The following GMPR variants were observed in gnomAD, a reference collection of about 807,000 sequenced individuals.
GMPR encodes the protein GMP reductase 1.
Under a neutral mutation model 38.4 loss-of-function variants are expected in GMPR, and 31 were observed. That is an observed-to-expected ratio of 0.81 (90% CI 0.61 to 1.09). GMPR has a LOEUF of 1.09. Among genes scored for constraint, GMPR ranks in the 50% least tolerant of loss-of-function variants. The probability of loss-of-function intolerance (pLI) is 0.00; values close to 1 mark genes in which losing one functional copy is unlikely to be tolerated. For missense variants in GMPR, 468 were observed against 453.7 expected (o/e 1.03, Z -0.29); for synonymous variants, 162 against 173.3 (o/e 0.93, Z 0.51).
chr6:16,270,512 T>C (rs972332564), intron 4 of GMPR, among the ~76,000 whole-genome samples: 1 of 152,216 alleles, frequency 6.6e-6, no homozygotes, highest in Non-Finnish European at 1.5e-5. Context: ...TCCTGGCCCC[T>C]GTTATCACAC....
rs761543002 is a variant in GMPR, at chr6:16,285,844, G to C, written c.697+9G>C. ...TGTCGCCAAAGCCTTTGGTAAGGCC[G>C]GGCCCTGGTGCAGAGGGAGGGAAGG... On this transcript the variant is annotated intron_variant, in intron 7 of 8. Transcript: ENST00000259727. The C allele has an allele frequency of 6.2e-7, 1 of 1,605,642 alleles. No individual in the cohort carries two copies. Among genetic ancestry groups the C allele is most frequent in the Non-Finnish European group, 8.5e-7 (1 of 1,175,280 alleles).
At chr6:16,266,053 C>T (rs1043103582) in intron 4 of GMPR, among the ~76,000 whole-genome samples, 2 of 151,894 alleles carry the variant, frequency 1.3e-5, no homozygotes, top group Admixed American at 6.6e-5. Flanking sequence ...ACCACGAACC[C>T]AGTGGGAGGA....
At chr6:16,260,481 CG>C (rs1191617522) in intron 4 of GMPR, among the ~76,000 whole-genome samples, 2 of 151,904 alleles carry the variant, frequency 1.3e-5, no homozygotes, top group African/African-American at 2.4e-5. Flanking sequence ...TTATCTGACT[CG>C]GGGCATGTCG....
At chr6:16,251,557 C>T (rs771512433) in intron 3 of GMPR, among the ~76,000 whole-genome samples, 1 of 152,074 alleles carries the variant, frequency 6.6e-6, no homozygotes, top group African/African-American at 2.4e-5. Context: ...GCAACGAGAG[C>T]GAAACTCTGT....
intron 1 of GMPR, among the ~76,000 whole-genome samples, chr6:16,241,217 C>T (rs1581643471): frequency 6.6e-6 from 1 of 152,278 alleles, no homozygotes; most frequent in Admixed American, 6.5e-5. Flanking sequence ...AGAGAACGTA[C>T]ACCCTGGGAG....
At chr6:16,258,473 G>C (rs780368147) in intron 4 of GMPR, among the ~76,000 whole-genome samples, 4 of 152,240 alleles carry the variant, frequency 2.6e-5, no homozygotes, top group Admixed American at 1.3e-4. Context: ...GCAGAACTTA[G>C]GAGTTGCTAT....
chr6:16,275,639 T>G (rs1759458957), intron 5 of GMPR, among the ~76,000 whole-genome samples: 2 of 152,230 alleles, frequency 1.3e-5, no homozygotes, highest in African/African-American at 4.8e-5. Context: ...CGTTCTTCCT[T>G]TCCAGGCTGC....
At chr6:16,289,307 GT>G (rs1478222314) in intron 7 of GMPR, among the ~76,000 whole-genome samples, 12 of 152,080 alleles carry the variant, frequency 7.9e-5, no homozygotes, top group Admixed American at 2.0e-4. Flanking sequence ...GAACCCACCA[GT>G]TCCGAACACA....
At chr6:16,292,590 A>G (rs7740409) in intron 8 of GMPR, among the ~76,000 whole-genome samples, 3 of 152,106 alleles carry the variant, frequency 2.0e-5, no homozygotes, top group Non-Finnish European at 4.4e-5. Context: ...AGCTGGACCT[A>G]TGTTCAAGAA....
At chr6:16,289,153 G>A (rs1759768821) in intron 7 of GMPR, among the ~76,000 whole-genome samples, 1 of 152,136 alleles carries the variant, frequency 6.6e-6, no homozygotes, top group Non-Finnish European at 1.5e-5. Context: ...TGTGCTATTT[G>A]CCGGGAAGGT....
At position 16,259,546 on chromosome 6, in the gene GMPR, C is replaced by T. The variant is rs188879779; in HGVS notation, c.465+4811C>T. Reference sequence around the variant, plus strand: ...TGGGCGATGTTTCTCAGGGCTGCTTCGAGTGGGATTAGGGGCGGCGTGGTA... The same window carrying T: ...TGGGCGATGTTTCTCAGGGCTGCTTTGAGTGGGATTAGGGGCGGCGTGGTA... On this transcript the variant is annotated intron_variant, in intron 4 of 8. Transcript: ENST00000259727. Among the ~76,000 whole-genome samples, 739 of 151,856 alleles carry T rather than the reference C, an allele frequency of 4.9e-3. 4 individuals are homozygous for T. The highest frequency in any genetic ancestry group is 0.017 in the African/African-American group (685 of 41,478).
intron 7 of GMPR, among the ~76,000 whole-genome samples, chr6:16,288,715 C>T (rs1759752730): frequency 6.6e-6 from 1 of 152,198 alleles, no homozygotes; most frequent in South Asian, 2.1e-4. Context: ...GCCAGCTGGG[C>T]TCCTCAGTCT....
chr6:16,269,155 A>G (rs1462993821), intron 4 of GMPR, among the ~76,000 whole-genome samples: 2 of 152,162 alleles, frequency 1.3e-5, no homozygotes, highest in African/African-American at 4.8e-5. Context: ...ACTAACATTT[A>G]TAAAGCACCA....
At chr6:16,255,494 A>G (rs568783909) in intron 4 of GMPR, among the ~76,000 whole-genome samples, 89 of 152,312 alleles carry the variant, frequency 5.8e-4, no homozygotes, top group African/African-American at 1.5e-3. Flanking sequence ...ACGACAGTCT[A>G]CTATCGATGG....
intron 4 of GMPR, among the ~76,000 whole-genome samples, chr6:16,263,520 G>A (rs1170476234): frequency 2.6e-5 from 4 of 151,968 alleles, no homozygotes; most frequent in African/African-American, 9.6e-5. Context: ...GACACGGAGG[G>A]AAGGGGTTCA....
intron 6 of GMPR, among the ~76,000 whole-genome samples, chr6:16,280,437 G>A (rs1759554550): frequency 6.6e-6 from 1 of 152,096 alleles, no homozygotes; most frequent in Admixed American, 6.6e-5. Context: ...TGAAATAAAT[G>A]GTCAAAGGTT....
At chr6:16,268,955 G>A (rs963078824) in intron 4 of GMPR, among the ~76,000 whole-genome samples, 1 of 150,150 alleles carries the variant, frequency 6.7e-6, no homozygotes, top group Non-Finnish European at 1.5e-5. Context: ...ATTTTTAGGT[G>A]TACAGTTCAG....
At chr6:16,278,755 A>G (rs1561832070) in intron 5 of GMPR, 29 bp from the exon 6 acceptor site, 4 of 1,460,408 alleles carry the variant, frequency 2.7e-6, no homozygotes, top group East Asian at 2.3e-5. Flanking sequence ...ATAACCATCT[A>G]TTTGGGGACA....
intron 1 of GMPR, among the ~76,000 whole-genome samples, chr6:16,239,414 G>A (rs1393153290): frequency 1.3e-5 from 2 of 152,210 alleles, no homozygotes; most frequent in East Asian, 3.9e-4. Flanking sequence ...CGAATTGGAA[G>A]CCTCGGGCAT....
Sources: allele counts gnomAD v4.1 joint callset (sites outside exome capture counted in the v4.1 genomes callset), GRCh38; gene constraint gnomAD v4.1.1; transcripts MANE v1.5; gene names NCBI Gene and HGNC (gene_info 2026-07-23, HGNC 2026-07-21).